The following DDX19B variants were observed in gnomAD, a reference collection of about 807,000 sequenced individuals.
DDX19B encodes the protein DEAD-box helicase 19B, also known as ATP-dependent RNA helicase DDX19B.
Under a neutral mutation model 58.1 loss-of-function variants are expected in DDX19B, and 27 were observed. The ratio of observed to expected loss-of-function variants is 0.46; its 90% CI spans 0.34 to 0.64. DDX19B has a LOEUF of 0.64. Among genes scored for constraint, DDX19B ranks in the 30% least tolerant of loss-of-function variants. The probability of loss-of-function intolerance (pLI) is 0.01; values close to 1 mark genes in which losing one functional copy is unlikely to be tolerated. For synonymous variants in DDX19B, 187 were observed against 214.4 expected (o/e 0.87, Z 1.12); for missense variants, 399 against 596.5 (o/e 0.67, Z 3.45).
At chr16:70,315,800 T>C (rs1393005314) in intron 3 of DDX19B, 169 bp from the exon 4 acceptor site, 2 of 972,196 alleles carry the variant, frequency 2.1e-6, no homozygotes, top group East Asian at 2.7e-5. Flanking sequence ...GTATCATAAC[T>C]TTTTTCTTTA....
intron 6 of DDX19B, among the ~76,000 whole-genome samples, chr16:70,325,297 G>C (rs1327148311): frequency 3.3e-5 from 5 of 152,180 alleles, no homozygotes; most frequent in Non-Finnish European, 7.3e-5. Context: ...CGAAAAGAAA[G>C]CTAATGCCAA....
At chr16:70,306,342 G>T (rs1961752066) in intron 1 of DDX19B, among the ~76,000 whole-genome samples, 1 of 151,944 alleles carries the variant, frequency 6.6e-6, no homozygotes, top group African/African-American at 2.4e-5. Context: ...TGTAGACATA[G>T]GGTTTCACCA....
upstream of DDX19B, among the ~76,000 whole-genome samples, chr16:70,292,024 G>A (rs905203284): frequency 2.6e-5 from 4 of 151,930 alleles, no homozygotes; most frequent in Admixed American, 6.6e-5. Flanking sequence ...GGTGGCATTC[G>A]CCTGTAGTCC....
intron 1 of DDX19B, among the ~76,000 whole-genome samples, chr16:70,307,918 T>A (rs1961852974): frequency 6.6e-6 from 1 of 150,880 alleles, no homozygotes. Flanking sequence ...TTTTAAAATT[T>A]ATTTAAATTT....
intron 1 of DDX19B, among the ~76,000 whole-genome samples, chr16:70,305,792 A>G (rs1961716957): frequency 6.6e-6 from 1 of 150,936 alleles, no homozygotes. Flanking sequence ...ACAGAGTCTC[A>G]CTCTGTCGCC....
chr16:70,327,550 A>C (rs778840308), intron 7 of DDX19B, among the ~76,000 whole-genome samples: 33 of 145,218 alleles, frequency 2.3e-4, no homozygotes, highest in African/African-American at 7.4e-4. Context: ...AACAAACAAA[A>C]AAAAACAAAC....
intron 7 of DDX19B, 30 bp downstream of exon 7, chr16:70,325,718 C>A: frequency 6.8e-7 from 1 of 1,463,176 alleles, no homozygotes; most frequent in Non-Finnish European, 9.5e-7. Context: ...CCTAAATCAT[C>A]AACCTAATTC....
chr16:70,317,307 G>T (rs1962484380), intron 4 of DDX19B, 189 bp from the exon 5 acceptor site: 3 of 383,938 alleles, frequency 7.8e-6, no homozygotes, highest in Non-Finnish European at 1.4e-5. Context: ...CTTGAACCCG[G>T]AAGGTGGATG....
intron 1 of DDX19B, 55 bp downstream of exon 1, chr16:70,299,409 G>C: frequency 2.0e-6 from 3 of 1,523,552 alleles, no homozygotes; most frequent in Non-Finnish European, 2.6e-6. Flanking sequence ...TCGGAGACTT[G>C]GTCCCTGGGA....
rs185777267 is a variant in DDX19B, at chr16:70,302,566, A to G, written c.57+3212A>G. On this transcript the variant is annotated intron_variant, in intron 1 of 11. Transcript: ENST00000288071. The stretch of plus-strand genomic sequence containing the variant: ...TTTAGAATTCAACCAAGTTGCATGT[A>G]TCAGTAGTTCATTCCTTTTTATTGC... Among the ~76,000 whole-genome samples, 806 of 152,328 alleles carry G rather than the reference A, an allele frequency of 5.3e-3. 1 individual carries two copies. The highest frequency in any genetic ancestry group is 0.02 in the Middle Eastern group (6 of 294).
chr16:70,311,341 C>G (rs765338651), intron 1 of DDX19B, among the ~76,000 whole-genome samples: 6 of 152,136 alleles, frequency 3.9e-5, no homozygotes, highest in Non-Finnish European at 8.8e-5. Context: ...GATCGCGCCC[C>G]TACACTCCAG....
intron 1 of DDX19B, among the ~76,000 whole-genome samples, chr16:70,301,824 G>T (rs1340526917): frequency 6.6e-6 from 1 of 151,456 alleles, no homozygotes; most frequent in Non-Finnish European, 1.5e-5. Context: ...TCCTGCCTCA[G>T]CCTCCCTCGT....
Position 70,330,027 on chromosome 16 carries a change from TACGGGGCCATC to T in DDX19B, c.985_995del (p.Gly329HisfsTer15), listed in dbSNP as rs1963395804. The stretch of plus-strand genomic sequence containing the variant: ...GAAGTTCCAGGCCTTGTGTAACCTC[TACGGGGCCATC>T]ACCATTGCTCAAGCCATGATCTTCT... On this transcript the variant is annotated frameshift_variant, in exon 9 of 12. Coordinates refer to ENST00000288071, the MANE Select transcript of DDX19B (RefSeq NM_007242.7). LOFTEE classifies it high-confidence loss of function. 1 of 1,613,856 alleles carries T rather than the reference TACGGGGCCATC, an allele frequency of 6.2e-7. No homozygotes were observed. The highest frequency in any genetic ancestry group is 1.3e-5 in the African/African-American group (1 of 74,920).
At position 70,333,501 on chromosome 16, in the gene DDX19B, C is replaced by T. The variant is rs1442224568; in HGVS notation, c.1379-20C>T. ...GGCACATTCCTGGGCAGGGTAGAGA[C>T]CTGTGTATCTTTCCCCCAGATAAGA... On this transcript the variant is annotated intron_variant, in intron 11 of 11. Coordinates refer to ENST00000288071, the MANE Select transcript of DDX19B (RefSeq NM_007242.7). The T allele has an allele frequency of 7.4e-6, 12 of 1,613,884 alleles. No individual in the cohort carries two copies. Among genetic ancestry groups the T allele is most frequent in the Non-Finnish European group, 6.8e-6 (8 of 1,179,878 alleles).
upstream of DDX19B, chr16:70,289,821 C>T: frequency 2.5e-6 from 1 of 406,018 alleles, no homozygotes. Flanking sequence ...GTCCTAACAC[C>T]ACAATTGACA....
Position 70,311,338 on chromosome 16 carries a change from C to T in DDX19B, c.58-1271C>T, listed in dbSNP as rs372680548. Among the ~76,000 whole-genome samples the T allele has an allele frequency of 3.5e-4, 53 of 152,232 alleles. No homozygotes were observed. In the South Asian group the frequency reaches 0.01, roughly 30 times the overall value. On this transcript the variant is annotated intron_variant, in intron 1 of 11. Transcript: ENST00000288071. ...GAGCTTGCAGTGAGCTGAGATCGCGCCCCTACACTCCAGTCCAGGTGACAG... is the reference window on the plus strand; with the variant it reads ...GAGCTTGCAGTGAGCTGAGATCGCGTCCCTACACTCCAGTCCAGGTGACAG...
upstream of DDX19B, among the ~76,000 whole-genome samples, chr16:70,291,791 G>A (rs1026829437): frequency 7.3e-5 from 11 of 149,854 alleles, no homozygotes; most frequent in African/African-American, 1.2e-4. Context: ...AGCCTGGGCC[G>A]CAGAGCGAGA....
intron 1 of DDX19B, among the ~76,000 whole-genome samples, chr16:70,305,166 A>G (rs1030932123): frequency 5.3e-5 from 8 of 152,142 alleles, no homozygotes; most frequent in African/African-American, 1.7e-4. Flanking sequence ...TTAGTGGTCT[A>G]TGTCAGCATC....
Position 70,325,579 on chromosome 16 carries a change from A to C in DDX19B, c.498A>C (p.Leu166=). The C allele has an allele frequency of 6.2e-7, 1 of 1,612,266 alleles. No individual in the cohort carries two copies. The highest frequency in any genetic ancestry group is 8.5e-7 in the Non-Finnish European group (1 of 1,178,890). ...VEPANKYPQC[L]CLSPTYELAL... The stretch of plus-strand genomic sequence containing the variant: ...CTGCATTCTTTTCCTGCCAGTGTCT[A>C]TGTCTCTCCCCAACGTATGAGCTCG... The change falls in exon 7 of 12, where the codon CTA becomes CTC. Residue 166 remains leucine, a synonymous_variant. Transcript: ENST00000288071.
Sources: gnomAD v4.1 joint callset for allele counts (sites outside exome capture counted in the v4.1 genomes callset) on GRCh38, gnomAD v4.1.1 for gene constraint, MANE v1.5 for transcripts, NCBI Gene and HGNC (gene_info 2026-07-23, HGNC 2026-07-21) for gene names.